The following DYNC1LI2 variants were observed in gnomAD, a reference collection of about 807,000 sequenced individuals.
DYNC1LI2 encodes the protein cytoplasmic dynein 1 light intermediate chain 2.
In DYNC1LI2, 19 loss-of-function variants were observed where a neutral mutation model predicts 57.8. That is an observed-to-expected ratio of 0.33 (90% CI 0.23 to 0.48). The LOEUF (loss-of-function observed/expected upper bound fraction) is 0.48, where lower values mean the gene tolerates loss of function less well. Among genes scored for constraint, DYNC1LI2 ranks in the 20% least tolerant of loss-of-function variants. The pLI is 0.99. For synonymous variants in DYNC1LI2, 256 were observed against 233.4 expected, an observed-to-expected ratio of 1.10 and a Z score of -0.88; for missense variants, 470 against 604.2, an observed-to-expected ratio of 0.78 and a Z score of 2.33.
intron 2 of DYNC1LI2, among the ~76,000 whole-genome samples, chr16:66,749,953 A>G (rs1159021899): frequency 6.6e-6 from 1 of 152,212 alleles, no homozygotes; most frequent in Admixed American, 6.5e-5. Flanking sequence ...TTAAACATCA[A>G]GGAGAACCAT....
At chr16:66,742,395 A>C (rs758731393) in intron 4 of DYNC1LI2, 43 bp downstream of exon 4, 1 of 1,584,840 alleles carries the variant, frequency 6.3e-7, no homozygotes, top group East Asian at 2.2e-5. Context: ...CCATCTAAAG[A>C]GACTCGTGAA....
intron 9 of DYNC1LI2, 121 bp from the exon 10 acceptor site, chr16:66,728,363 G>A: frequency 8.7e-7 from 1 of 1,143,600 alleles, no homozygotes; most frequent in Non-Finnish European, 1.3e-6. Flanking sequence ...TAAGTCCTAT[G>A]TTTTATACCA....
chr16:66,747,654 C>G (rs955987446), intron 3 of DYNC1LI2, among the ~76,000 whole-genome samples: 4 of 151,304 alleles, frequency 2.6e-5, no homozygotes, highest in Non-Finnish European at 4.4e-5. Context: ...ACTGCAACCT[C>G]CACCTCCTGG....
intron 3 of DYNC1LI2, among the ~76,000 whole-genome samples, chr16:66,743,907 T>G (rs1288355311): frequency 1.3e-5 from 2 of 152,214 alleles, no homozygotes; most frequent in Non-Finnish European, 2.9e-5. Context: ...GATAATAATA[T>G]GGTTATGTTT....
At chr16:66,734,590 T>G (rs544214260) in intron 5 of DYNC1LI2, among the ~76,000 whole-genome samples, 4 of 151,764 alleles carry the variant, frequency 2.6e-5, no homozygotes, top group Admixed American at 6.6e-5. Flanking sequence ...GCAGGCCCGG[T>G]GTACACAGTT....
chr16:66,736,568 G>C (rs1354664426), intron 4 of DYNC1LI2, among the ~76,000 whole-genome samples: 1 of 152,122 alleles, frequency 6.6e-6, no homozygotes, highest in Non-Finnish European at 1.5e-5. Context: ...CTGAAGTGCA[G>C]CAGTCTGATA....
chr16:66,749,715 A>G (rs762283006), intron 2 of DYNC1LI2, among the ~76,000 whole-genome samples: 70 of 152,330 alleles, frequency 4.6e-4, no homozygotes, highest in Non-Finnish European at 8.7e-4. Flanking sequence ...ATTAACCTAA[A>G]AGTCCAGGTA....
rs1442190997 is a variant in DYNC1LI2, at chr16:66,720,939, C to T, written c.*2783G>A. On this transcript the variant is annotated 3_prime_UTR_variant, in exon 13 of 13. Transcript: ENST00000258198. ...GTTTATTGAAGCCAGTAATTAGAGACATCTTTTTTTCCCAGGACTAGAAAG... is the reference window on the plus strand; with the variant it reads ...GTTTATTGAAGCCAGTAATTAGAGATATCTTTTTTTCCCAGGACTAGAAAG... The T allele has an allele frequency of 6.6e-6, 1 of 152,598 alleles. No individual in the cohort carries two copies. Among genetic ancestry groups the T allele is most frequent in the East Asian group, 1.9e-4 (1 of 5,200 alleles). 9.5% of individuals were successfully genotyped at this position (152,598 alleles called of 1,614,324 possible).
chr16:66,745,809 AGGGAGGACTGCTCGAGCTC>A (rs1185769951), intron 3 of DYNC1LI2, among the ~76,000 whole-genome samples: 1 of 151,766 alleles, frequency 6.6e-6, no homozygotes, highest in Non-Finnish European at 1.5e-5. Flanking sequence ...GAGACTGAGG[AGGGAGGACTGCTCGAGCTC>A]GGGAGGTGGA....
intron 2 of DYNC1LI2, among the ~76,000 whole-genome samples, chr16:66,749,547 T>C (rs1567459153): frequency 1.3e-5 from 2 of 152,154 alleles, no homozygotes; most frequent in Non-Finnish European, 2.9e-5. Context: ...ACTGCAGTTA[T>C]CCTTACTTCA....
At chr16:66,750,529 C>T (rs1419069803) in intron 2 of DYNC1LI2, among the ~76,000 whole-genome samples, 1 of 152,198 alleles carries the variant, frequency 6.6e-6, no homozygotes, top group African/African-American at 2.4e-5. Context: ...TACTCAACCC[C>T]CGAATCATCC....
intron 3 of DYNC1LI2, among the ~76,000 whole-genome samples, chr16:66,745,227 G>A (rs2017914242): frequency 6.6e-6 from 1 of 151,332 alleles, no homozygotes; most frequent in Non-Finnish European, 1.5e-5. Context: ...AAAGTACCTT[G>A]AGAACTATCA....
intron 5 of DYNC1LI2, among the ~76,000 whole-genome samples, 164 bp downstream of exon 5, chr16:66,735,911 T>C (rs2017725111): frequency 6.6e-6 from 1 of 152,166 alleles, no homozygotes; most frequent in Non-Finnish European, 1.5e-5. Flanking sequence ...AACTTCCAAT[T>C]TACATGATAA....
chr16:66,747,647 G>A (rs1424207257), intron 3 of DYNC1LI2, among the ~76,000 whole-genome samples: 1 of 149,582 alleles, frequency 6.7e-6, no homozygotes, highest in Non-Finnish European at 1.5e-5. Flanking sequence ...TCGGCTCACT[G>A]CAACCTCCAC....
chr16:66,743,546 G>A (rs992634667), intron 3 of DYNC1LI2, among the ~76,000 whole-genome samples: 2 of 111,910 alleles, frequency 1.8e-5, no homozygotes, highest in Non-Finnish European at 3.4e-5. Flanking sequence ...GGATGACAGA[G>A]TGAGACTCCA....
At position 66,749,319 on chromosome 16, in the gene DYNC1LI2, A is replaced by T; in HGVS notation, c.182-6T>A. On this transcript the variant is annotated splice_polypyrimidine_tract_variant and splice_region_variant and intron_variant, in intron 2 of 12. Coordinates refer to ENST00000258198, the MANE Select transcript of DYNC1LI2 (RefSeq NM_006141.3). ...TTTACCAGAACCATCTTCACCTACAAAGGATGTTTGCAAGACAAAGGTGTA... is the reference window on the plus strand; with the variant it reads ...TTTACCAGAACCATCTTCACCTACATAGGATGTTTGCAAGACAAAGGTGTA... The T allele has an allele frequency of 6.2e-7, 1 of 1,613,974 alleles. No individual in the cohort carries two copies. The highest frequency in any genetic ancestry group is 8.5e-7 in the Non-Finnish European group (1 of 1,179,842).
At chr16:66,727,945 C>T in intron 10 of DYNC1LI2, 140 bp from the exon 11 acceptor site, 2 of 881,472 alleles carry the variant, frequency 2.3e-6, no homozygotes, top group Non-Finnish European at 3.4e-6. Flanking sequence ...AATTCAAGCC[C>T]TTTCTGGCTC....
At chr16:66,750,807 G>A (rs1444179472) in intron 2 of DYNC1LI2, among the ~76,000 whole-genome samples, 1 of 152,132 alleles carries the variant, frequency 6.6e-6, no homozygotes, top group Non-Finnish European at 1.5e-5. Context: ...TAGCATAATG[G>A]AGGAAACGTC....
intron 4 of DYNC1LI2, chr16:66,738,191 TA>T (rs1194480110): frequency 1.3e-5 from 2 of 150,172 alleles, no homozygotes; most frequent in Admixed American, 1.3e-4. Context: ...AACTGAAAAC[TA>T]ACTGATTAGG....
Sources: allele counts gnomAD v4.1 joint callset (sites outside exome capture counted in the v4.1 genomes callset), GRCh38; gene constraint gnomAD v4.1.1; transcripts MANE v1.5; gene names NCBI Gene and HGNC (gene_info 2026-07-23, HGNC 2026-07-21).